The following FRMD4A variants were observed in gnomAD, a reference collection of about 807,000 sequenced individuals.
The protein encoded by FRMD4A is FERM domain-containing protein 4A.
FRMD4A carries 29 observed loss-of-function variants against 129.1 expected under a neutral mutation model. The ratio of observed to expected loss-of-function variants is 0.22; its 90% CI spans 0.17 to 0.31. The LOEUF (loss-of-function observed/expected upper bound fraction) is 0.31. Among genes scored for constraint, FRMD4A ranks in the 10% least tolerant of loss-of-function variants. FRMD4A has a pLI of 1.00. For synonymous variants in FRMD4A, 634 were observed against 571.6 expected (o/e 1.11, Z -1.56); for missense variants, 1,272 against 1,375.8 (o/e 0.92, Z 1.19).
chr10:14,267,269 C>T (rs1485991092), intron 2 of FRMD4A, among the ~76,000 whole-genome samples: 2 of 152,138 alleles, frequency 1.3e-5, no homozygotes, highest in African/African-American at 4.8e-5. Flanking sequence ...TGGGAACACA[C>T]ATCTGTCTAG....
intron 2 of FRMD4A, among the ~76,000 whole-genome samples, chr10:14,173,517 C>T (rs538244955): frequency 5.9e-5 from 9 of 152,116 alleles, no homozygotes; most frequent in Non-Finnish European, 1.3e-4. Flanking sequence ...ATGCATTAAC[C>T]TACTTTCTAC....
At chr10:14,216,408 T>C (rs562095279) in intron 2 of FRMD4A, among the ~76,000 whole-genome samples, 1 of 152,164 alleles carries the variant, frequency 6.6e-6, no homozygotes, top group Non-Finnish European at 1.5e-5. Context: ...CAATGACTCA[T>C]GCCTGTAATC....
chr10:13,656,267 G>A (rs1273245629), intron 22 of FRMD4A, among the ~76,000 whole-genome samples: 1 of 152,142 alleles, frequency 6.6e-6, no homozygotes, highest in Non-Finnish European at 1.5e-5. Flanking sequence ...CTTTCACTGG[G>A]ATACTCTCCT....
At chr10:14,226,558 G>A (rs1843442970) in intron 2 of FRMD4A, among the ~76,000 whole-genome samples, 1 of 152,116 alleles carries the variant, frequency 6.6e-6, no homozygotes, top group African/African-American at 2.4e-5. Flanking sequence ...TCCCTTATAG[G>A]CCTCTCTTCT....
At chr10:14,036,544 T>A (rs1391128433) in intron 2 of FRMD4A, among the ~76,000 whole-genome samples, 1 of 152,186 alleles carries the variant, frequency 6.6e-6, no homozygotes, top group African/African-American at 2.4e-5. Context: ...ACTTTCTGGG[T>A]GATGCTACCC....
chr10:14,257,744 A>G (rs1844666282), intron 2 of FRMD4A, among the ~76,000 whole-genome samples: 2 of 152,234 alleles, frequency 1.3e-5, no homozygotes, highest in African/African-American at 4.8e-5. Context: ...AAGCCAAAGC[A>G]CTGCTTAGGA....
Position 14,254,134 on chromosome 10 carries a change from A to G in FRMD4A, c.45+75924T>C, listed in dbSNP as rs575265312. Among the ~76,000 whole-genome samples the G allele has an allele frequency of 1.4e-4, 22 of 152,254 alleles. No individual in the cohort carries two copies. The South Asian group carries it at 4.6e-3, about 32-fold the overall frequency. ...CCCTCCCCACCTCAGCCCTCCATTG[A>G]ACTCCAATCAGCATTTCACCCCTAG... On this transcript the variant is annotated intron_variant, in intron 2 of 24. Transcript: ENST00000357447.
rs565473715 is a variant in FRMD4A, at chr10:13,821,234, G to A, written c.112-10326C>T. Among the ~76,000 whole-genome samples the A allele has an allele frequency of 1.6e-4, 25 of 152,242 alleles. No individual in the cohort carries two copies. Among genetic ancestry groups the A allele is most frequent in the African/African-American group, 5.8e-4 (24 of 41,554 alleles). On this transcript the variant is annotated intron_variant, in intron 3 of 24. Coordinates refer to ENST00000357447, the MANE Select transcript of FRMD4A (RefSeq NM_018027.5). This position sits in a 1 kb window ranked among gnomAD's most constrained non-coding sequence, Gnocchi z 4.3. ...CCTTGTCGCCCTGCTGCTTAGCTGG[G>A]AAGGCTGGTTTCCTTCCTGCCTCTC...
In FRMD4A at chr10:13,657,465, C is replaced by T. The variant is rs1480998846; in HGVS notation, c.2124G>A (p.Arg708=). Residue 708 remains arginine (R), a synonymous_variant, in exon 22 of 25, where the codon CGG becomes CGA. Coordinates refer to ENST00000357447, the MANE Select transcript of FRMD4A (RefSeq NM_018027.5). ...TGCCCTGGGACTCCAGGCTGGAGCT[C>T]CGGTGCCTAAAGTGCAGTGCGAGGC... is the stretch of plus-strand genomic sequence containing the variant. ...LHSLALHFRH[R]SSSLESQGKL... 2 of 1,611,200 alleles carry T rather than the reference C, an allele frequency of 1.2e-6. No individual in the cohort carries two copies. Among genetic ancestry groups the T allele is most frequent in the African/African-American group, 1.3e-5 (1 of 74,894 alleles).
chr10:14,112,184 G>A lies in FRMD4A; in HGVS notation c.45+217874C>T, dbSNP rs566114194. On this transcript the variant is annotated intron_variant, in intron 2 of 24. Coordinates refer to ENST00000357447, the MANE Select transcript of FRMD4A (RefSeq NM_018027.5). ...AAACACAGAAAGATGTTGGTAAGGG[G>A]GCCAGCCATGGAATGTGGCCCAGCT... Among the ~76,000 whole-genome samples, 152 of 152,250 alleles carry A rather than the reference G, an allele frequency of 1.0e-3. 1 individual carries two copies. Among genetic ancestry groups the A allele is most frequent in the Non-Finnish European group, 1.9e-3 (131 of 68,016 alleles).
In FRMD4A at chr10:13,944,206, C is replaced by T. The variant is rs974256987; in HGVS notation, c.46-85294G>A. Among the ~76,000 whole-genome samples, 8 of 152,180 alleles carry T rather than the reference C, an allele frequency of 5.3e-5. 1 individual carries two copies. The highest frequency in any genetic ancestry group is 1.9e-4 in the African/African-American group (8 of 41,440). Reference sequence around the variant, plus strand: ...GAGAGTGAAGCTTCATCTGTATTTACAGCCACTCCCCATTGCTCACATTAC... The same window carrying T: ...GAGAGTGAAGCTTCATCTGTATTTATAGCCACTCCCCATTGCTCACATTAC... On this transcript the variant is annotated intron_variant, in intron 2 of 24. Coordinates refer to ENST00000357447, the MANE Select transcript of FRMD4A (RefSeq NM_018027.5).
intron 2 of FRMD4A, among the ~76,000 whole-genome samples, chr10:14,069,695 A>G (rs1835225256): frequency 6.6e-6 from 1 of 152,156 alleles, no homozygotes; most frequent in African/African-American, 2.4e-5. Flanking sequence ...TATTTACTTA[A>G]TAATATGATT....
chr10:13,758,548 G>A lies in FRMD4A; in HGVS notation c.464+3099C>T, dbSNP rs146692611. Among the ~76,000 whole-genome samples, 5 of 152,338 alleles carry A rather than the reference G, an allele frequency of 3.3e-5. No individual in the cohort carries two copies. The East Asian group carries it at 5.8e-4, about 18-fold the overall frequency. ...AACCTGCACAGGGTCTTGCCCGGGCGTGCCTGCAAGGGACTGGGGCCCACA... is the reference window on the plus strand; with the variant it reads ...AACCTGCACAGGGTCTTGCCCGGGCATGCCTGCAAGGGACTGGGGCCCACA... On this transcript the variant is annotated intron_variant, in intron 8 of 24. Transcript: ENST00000357447.
intron 4 of FRMD4A, among the ~76,000 whole-genome samples, chr10:13,797,151 T>C (rs1283341644): frequency 6.6e-6 from 1 of 152,212 alleles, no homozygotes; most frequent in African/African-American, 2.4e-5. Flanking sequence ...GATTGAGACC[T>C]GCTGTTTCCC....
chr10:14,081,140 A>G (rs1359401239), intron 2 of FRMD4A, among the ~76,000 whole-genome samples: 1 of 152,142 alleles, frequency 6.6e-6, no homozygotes, highest in Non-Finnish European at 1.5e-5. Flanking sequence ...GTAGAGTTTA[A>G]TAAACTCTCC....
chr10:13,858,809 A>G (rs968373734), intron 3 of FRMD4A, 38 bp downstream of exon 3: 1 of 1,216,332 alleles, frequency 8.2e-7, no homozygotes, highest in Non-Finnish European at 1.2e-6. Context: ...CACATCAGTC[A>G]CCAAAGAAAC....
intron 6 of FRMD4A, among the ~76,000 whole-genome samples, chr10:13,781,897 G>A (rs115796631): frequency 0.024 from 3,664 of 152,228 alleles, 149 homozygotes; most frequent in African/African-American, 0.083. Context: ...GTGAATGACG[G>A]TGGGGATGGT....
intron 2 of FRMD4A, among the ~76,000 whole-genome samples, chr10:14,021,026 C>T (rs1255527385): frequency 2.0e-5 from 3 of 152,132 alleles, no homozygotes; most frequent in African/African-American, 7.2e-5. Context: ...TGAATCTTCA[C>T]CATGATCCTG....
intron 4 of FRMD4A, among the ~76,000 whole-genome samples, chr10:13,796,984 T>C (rs938828998): frequency 6.6e-6 from 1 of 152,178 alleles, no homozygotes; most frequent in Admixed American, 6.5e-5. Context: ...CCTCCCAAAG[T>C]GCTGGGATTA....
Sources: gnomAD v4.1 joint callset for allele counts (sites outside exome capture counted in the v4.1 genomes callset) on GRCh38, gnomAD v4.1.1 for gene constraint, Gnocchi (gnomAD v3.1) non-coding constraint, MANE v1.5 for transcripts, NCBI Gene and HGNC (gene_info 2026-07-23, HGNC 2026-07-21) for gene names.